COL7A1: variants seen among roughly 807,000 people sequenced by gnomAD.
COL7A1 encodes collagen alpha-1(VII) chain.
COL7A1 carries 296 observed loss-of-function variants against 456.2 expected under a neutral mutation model. The ratio of observed to expected loss-of-function variants is 0.65; its 90% CI spans 0.59 to 0.71. COL7A1 has a LOEUF of 0.71. Among genes scored for constraint, COL7A1 ranks in the 30% least tolerant of loss-of-function variants. COL7A1 has a pLI of 0.00. For missense variants in COL7A1, 3,441 were observed against 4,017.2 expected, an observed-to-expected ratio of 0.86 and a Z score of 3.88; for synonymous variants, 1,464 against 1,525.9, an observed-to-expected ratio of 0.96 and a Z score of 0.95.
At position 48,575,352 on chromosome 3, in the gene COL7A1, C is replaced by A; in HGVS notation, c.6167G>T (p.Arg2056Met). 6.2e-7 allele frequency: 1 copy of A among 1,612,672 alleles called. No homozygotes were observed. Among genetic ancestry groups the A allele is most frequent in the East Asian group, 2.2e-5 (1 of 44,796 alleles). ...CCCCAGCCTCACCCTCTCTCCTGGC[C>A]TTCCTGCCTCTCCCACACCCCCAGC... ...GRAGGVGEAGRPGERGERGEK... is the reference protein window; with the variant it reads ...GRAGGVGEAGMPGERGERGEK... Residue 2056 changes from arginine (R) to methionine (M), a missense_variant, in exon 74 of 119, where the codon AGG (arginine) becomes ATG (methionine). By Grantham distance (91) the Arg-to-Met change is moderately conservative. Transcript: ENST00000681320. This position sits in a 1 kb window ranked among gnomAD's most constrained non-coding sequence, Gnocchi z 6.3.
rs1276105997 is a variant in COL7A1, at chr3:48,564,628, CT to C, written c.8818+154del. 5 of 1,049,376 alleles carry C rather than the reference CT, an allele frequency of 4.8e-6. No individual in the cohort carries two copies. Among genetic ancestry groups the C allele is most frequent in the Non-Finnish European group, 7.0e-6 (5 of 716,624 alleles). 65.0% of individuals were successfully genotyped at this position (1,049,376 alleles called of 1,614,324 possible). A position where few individuals can be genotyped will look rare whatever the true frequency, so the allele number is the denominator to read the frequency against. ...TCCACGGCTGGGGCTCTATATTCAG[CT>C]CTTTGGTCTGGGCGTCTGCCCCAGG... is the stretch of plus-strand genomic sequence containing the variant. On this transcript the variant is annotated intron_variant, in intron 118 of 118. Transcript: ENST00000681320. The surrounding 1 kb of genome is among the most constrained non-coding windows in gnomAD (Gnocchi z 6.0).
chr3:48,567,642 G>GA lies in COL7A1; in HGVS notation c.7984-7dup, dbSNP rs66737445. ...CCCGGCACACCAGGCTCCCCCTGGA[G>GA]AAAAAAAGACATGAACTTGGCCCCC... On this transcript the variant is annotated splice_region_variant and splice_polypyrimidine_tract_variant and intron_variant, in intron 108 of 118. Coordinates refer to ENST00000681320, the MANE Select transcript of COL7A1 (RefSeq NM_000094.4). This position sits in a 1 kb window ranked among gnomAD's most constrained non-coding sequence, Gnocchi z 4.3. 7.4e-6 allele frequency: 12 copies of GA among 1,613,806 alleles called. No individual in the cohort carries two copies. Among genetic ancestry groups the GA allele is most frequent in the Admixed American group, 1.7e-5 (1 of 60,004 alleles).
chr3:48,569,699 C>T lies in COL7A1; in HGVS notation c.7557+26G>A. On this transcript the variant is annotated intron_variant, in intron 101 of 118. Transcript: ENST00000681320. The surrounding 1 kb of genome is among the most constrained non-coding windows in gnomAD (Gnocchi z 4.9). Reference sequence around the variant, plus strand: ...GAGTCGGGAGCACCCTGGCCCCTGCCCTGCCCTCCCCATGCCCACACTCAC... The same window carrying T: ...GAGTCGGGAGCACCCTGGCCCCTGCTCTGCCCTCCCCATGCCCACACTCAC... 1 of 1,614,138 alleles carries T rather than the reference C, an allele frequency of 6.2e-7. No individual in the cohort carries two copies. The highest frequency in any genetic ancestry group is 8.5e-7 in the Non-Finnish European group (1 of 1,180,002).
chr3:48,575,808 G>A lies in COL7A1; in HGVS notation c.5856+59C>T, dbSNP rs200198400. ...CGTCGCCGCAGCCCCTATGCCTGTG[G>A]GCACCACTAGCCCCAAGGGCCCCCA... On this transcript the variant is annotated intron_variant, in intron 72 of 118. Transcript: ENST00000681320. This position sits in a 1 kb window ranked among gnomAD's most constrained non-coding sequence, Gnocchi z 6.3. 441 of 1,613,908 alleles carry A rather than the reference G, an allele frequency of 2.7e-4. 4 individuals are homozygous for A. The Middle Eastern group carries it at 8.7e-3, about 32-fold the overall frequency.
Position 48,579,261 on chromosome 3 carries a change from G to A in COL7A1, c.5324C>T (p.Pro1775Leu). The A allele has an allele frequency of 6.2e-7, 1 of 1,613,964 alleles. No homozygotes were observed. The highest frequency in any genetic ancestry group is 8.5e-7 in the Non-Finnish European group (1 of 1,180,012). ...CAGTCCGCTCCGGCCATCCAGCCCAGGGGGACCCCGGTCACCCTGTGGAAA... is the reference window on the plus strand; with the variant it reads ...CAGTCCGCTCCGGCCATCCAGCCCAAGGGGACCCCGGTCACCCTGTGGAAA... ...PAGEKGDRGP[P>L]GLDGRSGLDG... The change falls in exon 62 of 119, where the codon CCT (proline) becomes CTT (leucine). Residue 1775 changes from proline to leucine, a missense_variant. Pro to Leu is a moderately conservative substitution (Grantham distance 98). Around this residue, in one of 3 missense-constraint regions of COL7A1, gnomAD observed 2,084 missense variants for 2,501.3 expected, o/e 0.83. Transcript: ENST00000681320. The surrounding 1 kb of genome is among the most constrained non-coding windows in gnomAD (Gnocchi z 4.4).
chr3:48,569,829 C>A lies in COL7A1; in HGVS notation c.7521+51G>T. On this transcript the variant is annotated intron_variant, in intron 100 of 118. Coordinates refer to ENST00000681320, the MANE Select transcript of COL7A1 (RefSeq NM_000094.4). This position sits in a 1 kb window ranked among gnomAD's most constrained non-coding sequence, Gnocchi z 4.9. The stretch of plus-strand genomic sequence containing the variant: ...CCCGCACCTGAATTCTAATATCATA[C>A]AAGATCCACTCACCCCCCCACTCAT... 6.2e-7 allele frequency: 1 copy of A among 1,614,150 alleles called. No individual in the cohort carries two copies. Among genetic ancestry groups the A allele is most frequent in the South Asian group, 1.1e-5 (1 of 91,088 alleles).
Position 48,590,472 on chromosome 3 carries a change from C to A in COL7A1, c.1893G>T (p.Trp631Cys). Residue 631 changes from tryptophan to cysteine, a missense_variant, in exon 15 of 119, where the codon TGG (tryptophan) becomes TGT (cysteine). Around this residue, in one of 3 missense-constraint regions of COL7A1, gnomAD observed 913 missense variants for 1,088.2 expected, o/e 0.84. Transcript: ENST00000681320. This position sits in a 1 kb window ranked among gnomAD's most constrained non-coding sequence, Gnocchi z 4.6. The part of the protein sequence containing the change: ...VPGASGFRIS[W>C]STGSGPESSQ... ...CCCCACACTGACCACTGCCTGTGCT[C>A]CAGCTAATCCGAAATCCACTGGCTC... is the stretch of plus-strand genomic sequence containing the variant. 6.2e-7 allele frequency: 1 copy of A among 1,614,140 alleles called. No individual in the cohort carries two copies. Among genetic ancestry groups the A allele is most frequent in the Non-Finnish European group, 8.5e-7 (1 of 1,180,018 alleles).
intron 44 of COL7A1, 136 bp from the exon 45 acceptor site, chr3:48,582,789 C>T: frequency 8.7e-7 from 1 of 1,149,108 alleles, no homozygotes; most frequent in East Asian, 2.5e-5. Flanking sequence ...TAAGACTTGG[C>T]AGGAGAACAG....
chr3:48,585,403 T>C lies in COL7A1; in HGVS notation c.3894+154A>G, dbSNP rs1483814460. Reference sequence around the variant, plus strand: ...CCCCACTGGCCCTTCTATTTCAGAGTGTCCCCCAAAGTCTCTGTGGTGGTT... The same window carrying C: ...CCCCACTGGCCCTTCTATTTCAGAGCGTCCCCCAAAGTCTCTGTGGTGGTT... On this transcript the variant is annotated intron_variant, in intron 32 of 118. Transcript: ENST00000681320. This position sits in a 1 kb window ranked among gnomAD's most constrained non-coding sequence, Gnocchi z 4.5. 2.0e-5 allele frequency among the ~76,000 whole-genome samples: 3 copies of C among 152,078 alleles called. No individual in the cohort carries two copies. In the East Asian group the frequency reaches 5.8e-4, roughly 29 times the overall value.
Position 48,594,948 on chromosome 3 carries a change from G to A in COL7A1, c.85+127C>T, listed in dbSNP as rs2045972476. ...AGGGTTCGGGGAGTCCCAGAATTAGGAGGAATCCGCGGGGCGTCGTGGAGT... is the reference window on the plus strand; with the variant it reads ...AGGGTTCGGGGAGTCCCAGAATTAGAAGGAATCCGCGGGGCGTCGTGGAGT... On this transcript the variant is annotated intron_variant, in intron 2 of 118. Transcript: ENST00000681320. This position sits in a 1 kb window ranked among gnomAD's most constrained non-coding sequence, Gnocchi z 5.5. 1 of 805,952 alleles carries A rather than the reference G, an allele frequency of 1.2e-6. No individual in the cohort carries two copies. Among genetic ancestry groups the A allele is most frequent in the Non-Finnish European group, 2.0e-6 (1 of 498,380 alleles). The allele number at this position is 805,952 out of a possible 1,614,324, so 49.9% of individuals were successfully genotyped here.
At chr3:48,584,084 A>G (rs2045016905) in intron 37 of COL7A1, 23 bp from the exon 38 acceptor site, 2 of 1,614,120 alleles carry the variant, frequency 1.2e-6, no homozygotes, top group East Asian at 4.5e-5. Flanking sequence ...TGACGACCCC[A>G]TGACCCTGGG....
chr3:48,579,124 G>T lies in COL7A1; in HGVS notation c.5388+73C>A. On this transcript the variant is annotated intron_variant, in intron 62 of 118. Transcript: ENST00000681320. This position sits in a 1 kb window ranked among gnomAD's most constrained non-coding sequence, Gnocchi z 4.4. ...CTCGTCAAGGCCAAGACCAACCAATGAGGCTGGGGTCTAGGGTCCTCATGT... is the reference window on the plus strand; with the variant it reads ...CTCGTCAAGGCCAAGACCAACCAATTAGGCTGGGGTCTAGGGTCCTCATGT... 4 of 1,576,466 alleles carry T rather than the reference G, an allele frequency of 2.5e-6. No individual in the cohort carries two copies. The highest frequency in any genetic ancestry group is 3.5e-6 in the Non-Finnish European group (4 of 1,148,608).
rs771286848 is a variant in COL7A1, at chr3:48,564,966, G to A, written c.8635C>T (p.Pro2879Ser). The part of the protein sequence containing the change: ...PWDSDDPCSL[P>S]LDEGSCTAYT... ...GCAGTGCAGGAGCCCTCATCCAGTG[G>A]CAGGGAACAGGGGTCTGGGCCAATG... Residue 2879 changes from proline (P) to serine (S), a missense_variant, in exon 118 of 119, where the codon CCA becomes TCA. This residue lies in a region of COL7A1 where 2,084 missense variants were observed against 2,501.3 expected (regional missense o/e 0.83). Coordinates refer to ENST00000681320, the MANE Select transcript of COL7A1 (RefSeq NM_000094.4). This position sits in a 1 kb window ranked among gnomAD's most constrained non-coding sequence, Gnocchi z 6.0. 6.2e-7 allele frequency: 1 copy of A among 1,614,064 alleles called. No homozygotes were observed. Among genetic ancestry groups the A allele is most frequent in the Non-Finnish European group, 8.5e-7 (1 of 1,180,026 alleles).
In COL7A1 at chr3:48,590,052, G is replaced by A. The variant is rs60280895; in HGVS notation, c.2050+161C>T. On this transcript the variant is annotated intron_variant, in intron 16 of 118. Coordinates refer to ENST00000681320, the MANE Select transcript of COL7A1 (RefSeq NM_000094.4). This position sits in a 1 kb window ranked among gnomAD's most constrained non-coding sequence, Gnocchi z 4.6. ...TACGGGGAGGGCTTAAGGGGAGACA[G>A]CTGAAACTGAAGAGGAAGCAGCGTC... Among the ~76,000 whole-genome samples, 1,760 of 152,242 alleles carry A rather than the reference G, an allele frequency of 0.012. 42 individuals are homozygous for A. The highest frequency in any genetic ancestry group is 0.039 in the African/African-American group (1,621 of 41,508).
chr3:48,586,088 A>G lies in COL7A1; in HGVS notation c.3709T>C (p.Ser1237Pro). The change falls in exon 28 of 119, where the codon TCC (serine) becomes CCC (proline). Residue 1237 changes from serine to proline, a missense_variant. Ser to Pro is a moderately conservative substitution (Grantham distance 74). Coordinates refer to ENST00000681320, the MANE Select transcript of COL7A1 (RefSeq NM_000094.4). This position sits in a 1 kb window ranked among gnomAD's most constrained non-coding sequence, Gnocchi z 5.1. ...SGLATALCQA[S>P]FTTQPRPEPC... ...CTCTTCCAAACCTGAGTAGTGAAGG[A>G]TGCCTGACACAGGGCTGTGGCCAGA... 1.2e-6 allele frequency: 2 copies of G among 1,613,588 alleles called. No individual in the cohort carries two copies. Among genetic ancestry groups the G allele is most frequent in the Non-Finnish European group, 1.7e-6 (2 of 1,180,026 alleles).
In COL7A1 at chr3:48,594,232, G is replaced by A; in HGVS notation, c.266+136C>T. The A allele has an allele frequency of 9.9e-7, 1 of 1,010,142 alleles. No individual in the cohort carries two copies. The highest frequency in any genetic ancestry group is 1.5e-6 in the Non-Finnish European group (1 of 680,868). 62.6% of individuals were successfully genotyped at this position (1,010,142 alleles called of 1,614,324 possible). ...TACCTCTGTCTCCAAAGGAGGTCCT[G>A]GCTAGGGGGTCTCTAGGTTCCCCAA... On this transcript the variant is annotated intron_variant, in intron 3 of 118. Transcript: ENST00000681320. This position sits in a 1 kb window ranked among gnomAD's most constrained non-coding sequence, Gnocchi z 5.5.
Position 48,584,763 on chromosome 3 carries a change from G to A in COL7A1, c.4018C>T (p.Arg1340Ter), listed in dbSNP as rs761927109. Residue 1340 changes from arginine (R) to a stop codon, truncating the protein, a stop_gained, in exon 35 of 119, where the codon CGA becomes TGA. Coordinates refer to ENST00000681320, the MANE Select transcript of COL7A1 (RefSeq NM_000094.4). LOFTEE classifies it high-confidence loss of function. ...LPGPRGDPGE[R>*]GPRGPKGEPG... is the part of the protein sequence containing the mutation. ...TCCCCCTTTGGGCCTCGAGGTCCTCGCTCTCCCTGAGGACGAAACAGAGCA... is the reference window on the plus strand; with the variant it reads ...TCCCCCTTTGGGCCTCGAGGTCCTCACTCTCCCTGAGGACGAAACAGAGCA... 1.3e-5 allele frequency: 21 copies of A among 1,613,938 alleles called. No individual in the cohort carries two copies. Among genetic ancestry groups the A allele is most frequent in the East Asian group, 2.2e-5 (1 of 44,874 alleles).
rs1560207017 is a variant in COL7A1, at chr3:48,572,179, CAG to C, written c.6979-10_6979-9del. 6.2e-7 allele frequency: 1 copy of C among 1,614,066 alleles called. No individual in the cohort carries two copies. Among genetic ancestry groups the C allele is most frequent in the East Asian group, 2.2e-5 (1 of 44,864 alleles). ...TCGGTCACCTTTGGCTCCCTGTTGA[CAG>C]AGGTCAGGAGGCAACACAGGCATCA... On this transcript the variant is annotated splice_polypyrimidine_tract_variant and intron_variant, in intron 90 of 118. Coordinates refer to ENST00000681320, the MANE Select transcript of COL7A1 (RefSeq NM_000094.4). The surrounding 1 kb of genome is among the most constrained non-coding windows in gnomAD (Gnocchi z 4.6).
Position 48,587,328 on chromosome 3 carries a change from C to G in COL7A1, c.3001G>C (p.Gly1001Arg), listed in dbSNP as rs1480085319. 9 of 1,602,914 alleles carry G rather than the reference C, an allele frequency of 5.6e-6. No homozygotes were observed. In the Admixed American group the frequency reaches 1.4e-4, roughly 24 times the overall value. Residue 1001 changes from glycine to arginine, a missense_variant, in exon 24 of 119, where the codon GGG becomes CGG. By Grantham distance (125) the Gly-to-Arg change is moderately radical (BLOSUM62 -2). Around this residue, in one of 3 missense-constraint regions of COL7A1, gnomAD observed 444 missense variants for 427.6 expected, o/e 1.04. Transcript: ENST00000681320. The surrounding 1 kb of genome is among the most constrained non-coding windows in gnomAD (Gnocchi z 6.1). ...ATCCCTGGAAGTGTCTGCGGGGACC[C>G]AGGCACTTCTGCAGGAGACAGAACT... ...PLRGPGQEVP[G>R]SPQTLPGISS...
Sources: gnomAD v4.1 joint callset for allele counts (sites outside exome capture counted in the v4.1 genomes callset) on GRCh38, gnomAD v4.1.1 for gene constraint, gnomAD v4.1.1 regional missense constraint, Gnocchi (gnomAD v3.1) non-coding constraint, MANE v1.5 for transcripts, NCBI Gene and HGNC (gene_info 2026-07-23, HGNC 2026-07-21) for gene names.